Variants in PCDH10 observed in about 807,000 individuals in gnomAD.
The protein encoded by PCDH10 is protocadherin 10.
In PCDH10, 15 loss-of-function variants were observed where a neutral mutation model predicts 74.4. That is an observed-to-expected ratio of 0.20 (90% CI 0.13 to 0.31). The LOEUF (loss-of-function observed/expected upper bound fraction) is 0.31. Among genes scored for constraint, PCDH10 ranks in the 10% least tolerant of loss-of-function variants. The pLI is 1.00. For missense variants in PCDH10, 1,260 were observed against 1,390.2 expected, an observed-to-expected ratio of 0.91 and a Z score of 1.49; for synonymous variants, 619 against 589.8, an observed-to-expected ratio of 1.05 and a Z score of -0.72.
At chr4:133,161,807 T>C (rs1472283058) in intron 3 of PCDH10, among the ~76,000 whole-genome samples, 1 of 152,114 alleles carries the variant, frequency 6.6e-6, no homozygotes, top group Non-Finnish European at 1.5e-5. Flanking sequence ...TCCATGCCAG[T>C]GAGCTGGGGA....
At chr4:133,156,058 C>A (rs1173785247) in intron 3 of PCDH10, among the ~76,000 whole-genome samples, 3 of 152,110 alleles carry the variant, frequency 2.0e-5, no homozygotes, top group Non-Finnish European at 4.4e-5. Flanking sequence ...GAGACTGGAC[C>A]TTTATTTTAC....
intron 3 of PCDH10, among the ~76,000 whole-genome samples, chr4:133,161,494 A>G (rs1045106807): frequency 1.3e-5 from 2 of 152,020 alleles, no homozygotes; most frequent in African/African-American, 4.8e-5. Flanking sequence ...ACAAATATAT[A>G]TAAATCAATA....
In PCDH10 at chr4:133,192,164, A is replaced by G. The variant is rs1727690488; in HGVS notation, c.*2004A>G. On this transcript the variant is annotated 3_prime_UTR_variant, in exon 5 of 5. Coordinates refer to ENST00000264360, the MANE Select transcript of PCDH10 (RefSeq NM_032961.3). ...TAAACATATATGAAGCTAACAGATCATATGTAATACAAAAAGCACATAAAT... is the reference window on the plus strand; with the variant it reads ...TAAACATATATGAAGCTAACAGATCGTATGTAATACAAAAAGCACATAAAT... 6.6e-6 allele frequency: 1 copy of G among 151,738 alleles called. No homozygotes were observed. The highest frequency in any genetic ancestry group is 1.5e-5 in the Non-Finnish European group (1 of 67,700). The allele number at this position is 151,738 out of a possible 1,614,324, so 9.4% of individuals were successfully genotyped here. A position where few individuals can be genotyped will look rare whatever the true frequency, so the allele number is the denominator to read the frequency against.
chr4:133,157,988 G>A (rs2125861355), intron 3 of PCDH10, among the ~76,000 whole-genome samples: 1 of 152,120 alleles, frequency 6.6e-6, no homozygotes, highest in Middle Eastern at 3.4e-3. Context: ...CCACTGCTCT[G>A]TGGCACTTTC....
exon 3 of PCDH10, chr4:133,208,292 TAATA>T (rs1190221481): frequency 1.3e-5 from 2 of 152,232 alleles, no homozygotes; most frequent in Non-Finnish European, 1.5e-5. Context: ...GATTGTGAGA[TAATA>T]AATATTTGTG....
In PCDH10 at chr4:133,190,195, T is replaced by C; in HGVS notation, c.*35T>C. The C allele has an allele frequency of 2.5e-6, 4 of 1,596,770 alleles. No individual in the cohort carries two copies. Among genetic ancestry groups the C allele is most frequent in the Non-Finnish European group, 3.4e-6 (4 of 1,164,458 alleles). On this transcript the variant is annotated 3_prime_UTR_variant, in exon 5 of 5. Coordinates refer to ENST00000264360, the MANE Select transcript of PCDH10 (RefSeq NM_032961.3). ...CAGGACTTACCTGAAGCAGCATGAT[T>C]TGCACAAAGTCGACCAACAAAAGCA...
chr4:133,174,676 A>G (rs1727258648), intron 4 of PCDH10, among the ~76,000 whole-genome samples: 1 of 151,384 alleles, frequency 6.6e-6, no homozygotes, highest in South Asian at 2.1e-4. Flanking sequence ...AATGACTGGT[A>G]TTAGACAATT....
At position 133,149,996 on chromosome 4, in the gene PCDH10, G is replaced by T; in HGVS notation, c.-145G>T. The T allele has an allele frequency of 8.2e-7, 1 of 1,212,698 alleles. No individual in the cohort carries two copies. Among genetic ancestry groups the T allele is most frequent in the Non-Finnish European group, 1.1e-6 (1 of 916,660 alleles). The allele number at this position is 1,212,698 out of a possible 1,614,324, so 75.1% of individuals were successfully genotyped here. A position where few individuals can be genotyped will look rare whatever the true frequency, so the allele number is the denominator to read the frequency against. On this transcript the variant is annotated 5_prime_UTR_variant, in exon 1 of 5. Transcript: ENST00000264360. ...CTCTAAAATGAAGCAAAAGGAGTAAGATTTTTAAAGACAGAAAGCCACAGG... is the reference window on the plus strand; with the variant it reads ...CTCTAAAATGAAGCAAAAGGAGTAATATTTTTAAAGACAGAAAGCCACAGG...
intron 3 of PCDH10, among the ~76,000 whole-genome samples, chr4:133,157,742 A>T (rs537521352): frequency 2.0e-5 from 3 of 152,134 alleles, no homozygotes; most frequent in Admixed American, 1.3e-4. Flanking sequence ...CTACATTAAC[A>T]TTATTCTGTA....
At chr4:133,167,551 C>T (rs1255138168) in intron 4 of PCDH10, among the ~76,000 whole-genome samples, 1 of 151,368 alleles carries the variant, frequency 6.6e-6, no homozygotes, top group Non-Finnish European at 1.5e-5. Context: ...TTATAGAAGG[C>T]CTTGCTTTCA....
chr4:133,197,153 A>T (rs556890233), downstream of PCDH10, among the ~76,000 whole-genome samples: 1 of 152,280 alleles, frequency 6.6e-6, no homozygotes, highest in Non-Finnish European at 1.5e-5. Context: ...GCTCTCAAAT[A>T]GTCCTCTATC....
At chr4:133,171,954 T>TA (rs1020536532) in intron 4 of PCDH10, among the ~76,000 whole-genome samples, 7 of 151,754 alleles carry the variant, frequency 4.6e-5, no homozygotes, top group East Asian at 3.9e-4. Context: ...ATCTTTTTAT[T>TA]AAAAAAAAGT....
At chr4:133,158,865 T>G (rs138808081) in intron 3 of PCDH10, among the ~76,000 whole-genome samples, 4 of 152,080 alleles carry the variant, frequency 2.6e-5, no homozygotes, top group Non-Finnish European at 5.9e-5. Context: ...CTGGAGGCAA[T>G]ATAGAAGATG....
intron 4 of PCDH10, among the ~76,000 whole-genome samples, chr4:133,187,742 A>G (rs1446336750): frequency 6.6e-6 from 1 of 152,140 alleles, no homozygotes; most frequent in African/African-American, 2.4e-5. Context: ...TATTTAAGAT[A>G]TTGAGTATAA....
chr4:133,189,399 C>A (rs1180660561), intron 4 of PCDH10, among the ~76,000 whole-genome samples: 1 of 151,968 alleles, frequency 6.6e-6, no homozygotes, highest in Admixed American at 6.6e-5. Context: ...TTTATCATTA[C>A]AAATAAACAA....
At position 133,150,093 on chromosome 4, in the gene PCDH10, A is replaced by T; in HGVS notation, c.-48A>T. On this transcript the variant is annotated 5_prime_UTR_variant, in exon 1 of 5. Transcript: ENST00000264360. ...TTGTTTCGTGGTGGTGGGGGAGGTG[A>T]TTGGGTGGCTGACTGGCTGCGGGAA... 6.9e-7 allele frequency: 1 copy of T among 1,452,874 alleles called. No individual in the cohort carries two copies. Among genetic ancestry groups the T allele is most frequent in the Non-Finnish European group, 9.1e-7 (1 of 1,099,500 alleles). 90.0% of individuals were successfully genotyped at this position (1,452,874 alleles called of 1,614,324 possible).
In PCDH10 at chr4:133,149,838, T is replaced by A. The variant is rs1380284493; in HGVS notation, c.-303T>A. 1 of 234,238 alleles carries A rather than the reference T, an allele frequency of 4.3e-6. No individual in the cohort carries two copies. The highest frequency in any genetic ancestry group is 2.3e-5 in the African/African-American group (1 of 44,366). The allele number at this position is 234,238 out of a possible 1,614,324, so 14.5% of individuals were successfully genotyped here. ...TTTGCCAGCGCCAAGACTGTCGGAA[T>A]AAAGGACGCTGACTATTGTATTATT... On this transcript the variant is annotated 5_prime_UTR_variant, in exon 1 of 5. Transcript: ENST00000264360.
chr4:133,182,110 C>T (rs535816517), intron 4 of PCDH10, among the ~76,000 whole-genome samples: 105 of 151,996 alleles, frequency 6.9e-4, no homozygotes, highest in Non-Finnish European at 9.4e-4. Flanking sequence ...GATGAAGTTG[C>T]GCACATCACA....
chr4:133,176,305 CCTCT>C (rs897732355), intron 4 of PCDH10, among the ~76,000 whole-genome samples: 36 of 152,038 alleles, frequency 2.4e-4, no homozygotes, highest in Non-Finnish European at 2.9e-5. Flanking sequence ...AGCTGTGGGA[CCTCT>C]CTAATTTCTT....
Sources: gnomAD v4.1 joint callset for allele counts (sites outside exome capture counted in the v4.1 genomes callset) on GRCh38, gnomAD v4.1.1 for gene constraint, MANE v1.5 for transcripts, NCBI Gene and HGNC (gene_info 2026-07-23, HGNC 2026-07-21) for gene names.